CTNNA2: variants seen among roughly 807,000 people sequenced by gnomAD.
CTNNA2 encodes the protein catenin alpha-2.
A neutral mutation model predicts 101.0 loss-of-function variants in CTNNA2; 42 were observed. That is an observed-to-expected ratio of 0.42 (90% CI 0.32 to 0.54). CTNNA2 has a LOEUF of 0.54. Among genes scored for constraint, CTNNA2 ranks in the 20% least tolerant of loss-of-function variants. The pLI, the probability that CTNNA2 is intolerant of heterozygous loss-of-function variation, is 0.14. For synonymous variants in CTNNA2, 450 were observed against 456.4 expected (o/e 0.99, Z 0.18); for missense variants, 871 against 1,223.1 (o/e 0.71, Z 4.29).
chr2:79,860,820 A>G (rs373420533), intron 4 of CTNNA2, among the ~76,000 whole-genome samples: 2 of 152,160 alleles, frequency 1.3e-5, no homozygotes, highest in South Asian at 4.1e-4. Context: ...CAATACGTCA[A>G]TAATTCATTG....
intron 7 of CTNNA2, among the ~76,000 whole-genome samples, chr2:79,927,571 CT>C (rs1353404239): frequency 1.8e-4 from 28 of 152,082 alleles, no homozygotes; most frequent in African/African-American, 6.8e-4. Flanking sequence ...TTGCCTTTCT[CT>C]TTTCATGAGA....
At chr2:79,885,762 A>G (rs867962108) in intron 6 of CTNNA2, among the ~76,000 whole-genome samples, 1 of 152,218 alleles carries the variant, frequency 6.6e-6, no homozygotes, top group Non-Finnish European at 1.5e-5. Context: ...ATGCTCCATA[A>G]TAATTATCTC....
intron 15 of CTNNA2, 88 bp from the exon 16 acceptor site, chr2:80,603,986 C>A: frequency 2.7e-6 from 3 of 1,113,208 alleles, no homozygotes; most frequent in Non-Finnish European, 4.0e-6. Context: ...TAAAATACAA[C>A]ACTAGACTCC....
At chr2:79,266,387 C>T (rs1674986832) in intron 2 of CTNNA2, among the ~76,000 whole-genome samples, 1 of 152,150 alleles carries the variant, frequency 6.6e-6, no homozygotes, top group African/African-American at 2.4e-5. Flanking sequence ...GTGTCAGTTA[C>T]CCACCGTGGT....
intron 7 of CTNNA2, among the ~76,000 whole-genome samples, chr2:80,197,734 C>T (rs1706926403): frequency 6.6e-6 from 1 of 152,148 alleles, no homozygotes; most frequent in Non-Finnish European, 1.5e-5. Flanking sequence ...TCAGGCTCAC[C>T]TTCAGTCTCT....
Position 80,648,052 on chromosome 2 carries a change from T to A in CTNNA2, c.*180T>A. 1 of 556,694 alleles carries A rather than the reference T, an allele frequency of 1.8e-6. No homozygotes were observed. The highest frequency in any genetic ancestry group is 3.1e-6 in the Non-Finnish European group (1 of 324,710). 34.5% of individuals were successfully genotyped at this position (556,694 alleles called of 1,614,324 possible). A position where few individuals can be genotyped will look rare whatever the true frequency, so the allele number is the denominator to read the frequency against. On this transcript the variant is annotated 3_prime_UTR_variant, in exon 19 of 19. Coordinates refer to ENST00000402739, the MANE Select transcript of CTNNA2 (RefSeq NM_001282597.3). ...CAATACTACTGATCCATCTGTAGCCTGGGAAGGAGACAGGACATTCCTGTA... is the reference window on the plus strand; with the variant it reads ...CAATACTACTGATCCATCTGTAGCCAGGGAAGGAGACAGGACATTCCTGTA...
intron 2 of CTNNA2, among the ~76,000 whole-genome samples, chr2:79,685,447 C>T (rs372294073): frequency 2.0e-5 from 3 of 152,122 alleles, no homozygotes; most frequent in Non-Finnish European, 4.4e-5. Context: ...TTCTTTTACT[C>T]CTACACGGCA....
upstream of CTNNA2, among the ~76,000 whole-genome samples, chr2:79,508,473 G>C (rs1671459857): frequency 6.6e-6 from 1 of 152,096 alleles, no homozygotes; most frequent in Non-Finnish European, 1.5e-5. Context: ...CTGAAGATGA[G>C]AGAGATACAA....
At chr2:79,794,194 A>G (rs1280820401) in intron 3 of CTNNA2, among the ~76,000 whole-genome samples, 1 of 152,208 alleles carries the variant, frequency 6.6e-6, no homozygotes, top group African/African-American at 2.4e-5. Flanking sequence ...GGAGAGAAAG[A>G]AAACAGGACT....
At position 79,744,533 on chromosome 2, in the gene CTNNA2, A is replaced by G. The variant is rs771428803; in HGVS notation, c.249A>G (p.Gln83=). 2 of 1,613,930 alleles carry G rather than the reference A, an allele frequency of 1.2e-6. No individual in the cohort carries two copies. Among genetic ancestry groups the G allele is most frequent in the South Asian group, 2.2e-5 (2 of 91,078 alleles). ...EKGEQIAKES[Q]DLKEELVAAV... is the part of the protein sequence containing the mutation. ...GTGAACAGATCGCTAAGGAGAGTCAAGATCTCAAAGAAGAGTTGGTGGCTG... is the reference window on the plus strand; with the variant it reads ...GTGAACAGATCGCTAAGGAGAGTCAGGATCTCAAAGAAGAGTTGGTGGCTG... Residue 83 remains glutamine, a synonymous_variant, in exon 3 of 19, where the codon CAA becomes CAG. Coordinates refer to ENST00000402739, the MANE Select transcript of CTNNA2 (RefSeq NM_001282597.3).
At position 80,445,192 on chromosome 2, in the gene CTNNA2, A is replaced by T. The variant is rs576333881; in HGVS notation, c.1290+25591A>T. On this transcript the variant is annotated intron_variant, in intron 9 of 18. Coordinates refer to ENST00000402739, the MANE Select transcript of CTNNA2 (RefSeq NM_001282597.3). ...GTTTTTAATTTTTATTTATTTATTT[A>T]TTTTTTTGAGACAGAGTGCTGTCCT... 3.6e-4 allele frequency among the ~76,000 whole-genome samples: 55 copies of T among 151,502 alleles called. 1 individual carries two copies. The highest frequency in any genetic ancestry group is 8.8e-5 in the Non-Finnish European group (6 of 67,856).
intron 2 of CTNNA2, among the ~76,000 whole-genome samples, chr2:79,732,773 G>A (rs6756122): frequency 6.6e-6 from 1 of 151,884 alleles, no homozygotes; most frequent in African/African-American, 2.4e-5. Context: ...TATCTAAATG[G>A]GTCTTTCTGA....
intron 7 of CTNNA2, among the ~76,000 whole-genome samples, chr2:80,008,084 C>G (rs763152826): frequency 6.6e-6 from 1 of 152,192 alleles, no homozygotes; most frequent in Non-Finnish European, 1.5e-5. Context: ...CCCAGATCTA[C>G]AGCCTTATGT....
At chr2:80,447,012 T>G (rs936047093) in intron 9 of CTNNA2, among the ~76,000 whole-genome samples, 1 of 152,156 alleles carries the variant, frequency 6.6e-6, no homozygotes, top group African/African-American at 2.4e-5. Flanking sequence ...CCCCATAAAT[T>G]TGATGAGAAT....
intron 1 of CTNNA2, among the ~76,000 whole-genome samples, chr2:79,523,822 C>T (rs1672250907): frequency 6.6e-6 from 1 of 151,984 alleles, no homozygotes; most frequent in African/African-American, 2.4e-5. Flanking sequence ...AAATTTGTTT[C>T]CCAGATTTCT....
intron 7 of CTNNA2, among the ~76,000 whole-genome samples, chr2:79,952,759 C>A (rs941883937): frequency 2.0e-5 from 3 of 152,120 alleles, no homozygotes; most frequent in Non-Finnish European, 2.9e-5. Flanking sequence ...AATAAAGTTT[C>A]ATTATGTTGT....
chr2:80,598,829 T>C (rs941899840), intron 15 of CTNNA2, among the ~76,000 whole-genome samples: 8 of 152,152 alleles, frequency 5.3e-5, no homozygotes, highest in Non-Finnish European at 1.2e-4. Flanking sequence ...ATAACAAACT[T>C]GTAGAGGTGG....
intron 7 of CTNNA2, among the ~76,000 whole-genome samples, chr2:79,924,955 G>A (rs1166751274): frequency 1.3e-5 from 2 of 152,040 alleles, no homozygotes; most frequent in African/African-American, 4.8e-5. Flanking sequence ...TAGAAACTTT[G>A]TTTCAGAGTC....
chr2:79,837,300 G>T (rs186511446), intron 3 of CTNNA2, among the ~76,000 whole-genome samples: 1 of 152,292 alleles, frequency 6.6e-6, no homozygotes, highest in Admixed American at 6.5e-5. Flanking sequence ...AGGCTGGGAG[G>T]CTAGGCCAGT....
Sources: allele counts gnomAD v4.1 joint callset (sites outside exome capture counted in the v4.1 genomes callset), GRCh38; gene constraint gnomAD v4.1.1; transcripts MANE v1.5; gene names NCBI Gene and HGNC (gene_info 2026-07-23, HGNC 2026-07-21).